Variants in RNF111 observed in about 807,000 individuals in gnomAD.
RNF111 encodes ring finger protein 111.
RNF111 carries 17 observed loss-of-function variants against 95.1 expected under a neutral mutation model. The ratio of observed to expected loss-of-function variants is 0.18; its 90% CI spans 0.12 to 0.27. The LOEUF (loss-of-function observed/expected upper bound fraction) is 0.27, where lower values mean the gene tolerates loss of function less well. RNF111 is among the 10% of genes least tolerant of loss of function. RNF111 has a pLI of 1.00. For missense variants in RNF111, 1,189 were observed against 1,210.4 expected (o/e 0.98, Z 0.26); for synonymous variants, 440 against 414.8 (o/e 1.06, Z -0.74).
At chr15:58,999,443 C>A (rs1440828881) in intron 1 of RNF111, among the ~76,000 whole-genome samples, 2 of 152,136 alleles carry the variant, frequency 1.3e-5, no homozygotes, top group Non-Finnish European at 2.9e-5. Context: ...TCAAGCAATT[C>A]TGCTGCCTCA....
chr15:59,031,453 C>G lies in RNF111; in HGVS notation c.631C>G (p.Pro211Ala). The change falls in exon 2 of 14, where the codon CCA becomes GCA. Residue 211 changes from proline (P) to alanine (A), a missense_variant. By Grantham distance (27) the Pro-to-Ala change is conservative. This residue lies in a region of RNF111 where 1,024 missense variants were observed against 925.9 expected (regional missense o/e 1.11). Transcript: ENST00000348370. ...ACATGGCAGTTCGTTACGGAGACTT[C>G]CATGCAGAAAGAGATTTGTAAAAAA... The part of the protein sequence containing the change: ...CLHGSSLRRL[P>A]CRKRFVKNNS... 6.2e-7 allele frequency: 1 copy of G among 1,614,068 alleles called. No individual in the cohort carries two copies. Among genetic ancestry groups the G allele is most frequent in the Non-Finnish European group, 8.5e-7 (1 of 1,180,030 alleles).
chr15:58,990,160 C>T (rs1241746525), intron 1 of RNF111, among the ~76,000 whole-genome samples: 1 of 152,112 alleles, frequency 6.6e-6, no homozygotes, highest in Non-Finnish European at 1.5e-5. Flanking sequence ...TTATTGTTAA[C>T]CCTCCTTGGG....
intron 5 of RNF111, among the ~76,000 whole-genome samples, chr15:59,063,039 G>A (rs1274500153): frequency 5.3e-5 from 8 of 152,164 alleles, no homozygotes; most frequent in African/African-American, 1.7e-4. Context: ...CAGTGTTTCT[G>A]TTCTAATACT....
At chr15:59,030,155 T>G (rs1445060924) in intron 1 of RNF111, among the ~76,000 whole-genome samples, 5 of 152,176 alleles carry the variant, frequency 3.3e-5, no homozygotes, top group African/African-American at 1.2e-4. Flanking sequence ...TTTAACTGAA[T>G]GATCTTCAGC....
chr15:58,995,330 A>G lies in RNF111; in HGVS notation c.-20+7262A>G, dbSNP rs568016300. ...ACATTCTTTTATCTGATTAATACAG[A>G]ATTGTGTGTTTCCTGTTTTATTCAG... On this transcript the variant is annotated intron_variant, in intron 1 of 13. Coordinates refer to ENST00000348370, the MANE Select transcript of RNF111 (RefSeq NM_017610.8). Among the ~76,000 whole-genome samples, 131 of 152,268 alleles carry G rather than the reference A, an allele frequency of 8.6e-4. 1 individual carries two copies. The highest frequency in any genetic ancestry group is 3.4e-3 in the Middle Eastern group (1 of 294).
chr15:58,995,707 A>T (rs1376661350), intron 1 of RNF111, among the ~76,000 whole-genome samples: 3 of 139,762 alleles, frequency 2.1e-5, no homozygotes, highest in African/African-American at 8.2e-5. Context: ...CTCGTGATCC[A>T]CCTGCCTCAG....
chr15:59,009,258 C>T (rs1404978541), intron 1 of RNF111, among the ~76,000 whole-genome samples: 1 of 152,036 alleles, frequency 6.6e-6, no homozygotes, highest in Non-Finnish European at 1.5e-5. Context: ...TGCGCCTGGC[C>T]ACGTATTTTA....
At chr15:59,017,122 C>A (rs143995225) in intron 1 of RNF111, among the ~76,000 whole-genome samples, 38 of 152,096 alleles carry the variant, frequency 2.5e-4, no homozygotes, top group African/African-American at 8.9e-4. Context: ...TAAATGTACT[C>A]GGATCATCTC....
In RNF111 at chr15:59,094,997, A is replaced by G. The variant is rs1163887449; in HGVS notation, c.*97A>G. 4 of 788,158 alleles carry G rather than the reference A, an allele frequency of 5.1e-6. No homozygotes were observed. The African/African-American group carries it at 6.9e-5, about 14-fold the overall frequency. The allele number at this position is 788,158 out of a possible 1,614,324, so 48.8% of individuals were successfully genotyped here. On this transcript the variant is annotated 3_prime_UTR_variant, in exon 14 of 14. Transcript: ENST00000348370. Reference sequence around the variant, plus strand: ...CATGACTTACCTGCGCAGATTTGGAAGCATTGAACTTAGAGTGCTGGCTCT... The same window carrying G: ...CATGACTTACCTGCGCAGATTTGGAGGCATTGAACTTAGAGTGCTGGCTCT...
At chr15:59,003,011 C>T (rs1425552295) in intron 1 of RNF111, among the ~76,000 whole-genome samples, 1 of 152,174 alleles carries the variant, frequency 6.6e-6, no homozygotes, top group East Asian at 1.9e-4. Flanking sequence ...GATAAGATCT[C>T]ATTATGTTGC....
intron 5 of RNF111, among the ~76,000 whole-genome samples, chr15:59,064,705 A>G (rs1342263587): frequency 6.6e-6 from 1 of 152,018 alleles, no homozygotes; most frequent in East Asian, 1.9e-4. Context: ...AACCTTTACA[A>G]AAGGGTTTGG....
At chr15:59,088,935 A>T (rs189841802) in intron 10 of RNF111, among the ~76,000 whole-genome samples, 1 of 152,262 alleles carries the variant, frequency 6.6e-6, no homozygotes, top group Non-Finnish European at 1.5e-5. Flanking sequence ...ATTTTAAACA[A>T]CACAATCACC....
At chr15:59,002,239 C>T (rs1372445728) in intron 1 of RNF111, among the ~76,000 whole-genome samples, 11 of 152,134 alleles carry the variant, frequency 7.2e-5, no homozygotes, top group African/African-American at 2.7e-4. Flanking sequence ...ACTATCTTCC[C>T]GCCATTTCTC....
chr15:59,063,063 C>T (rs1468687176), intron 5 of RNF111, among the ~76,000 whole-genome samples: 1 of 152,142 alleles, frequency 6.6e-6, no homozygotes, highest in Non-Finnish European at 1.5e-5. Context: ...TGATTTGTAT[C>T]CTAAATTGTC....
intron 13 of RNF111, among the ~76,000 whole-genome samples, chr15:59,093,907 T>A (rs573688288): frequency 6.6e-6 from 1 of 152,306 alleles, no homozygotes; most frequent in South Asian, 2.1e-4. Flanking sequence ...GACAATACTG[T>A]TCAAGGAATA....
intron 10 of RNF111, 141 bp downstream of exon 10, chr15:59,085,926 A>C: frequency 4.0e-6 from 3 of 756,088 alleles, no homozygotes; most frequent in Non-Finnish European, 6.1e-6. Context: ...TGTGCTATAA[A>C]AAGGTATTAG....
intron 8 of RNF111, among the ~76,000 whole-genome samples, chr15:59,081,931 G>GA (rs1435114948): frequency 6.6e-6 from 1 of 152,140 alleles, no homozygotes; most frequent in Non-Finnish European, 1.5e-5. Context: ...AGGCTGAGAT[G>GA]AAAGGATCGT....
chr15:58,990,067 A>G (rs958997060), intron 1 of RNF111, among the ~76,000 whole-genome samples: 1 of 152,206 alleles, frequency 6.6e-6, no homozygotes, highest in African/African-American at 2.4e-5. Flanking sequence ...GGGTAACGTT[A>G]TCTTATGAAA....
chr15:59,012,142 C>T (rs986955480), intron 1 of RNF111, among the ~76,000 whole-genome samples: 1 of 149,290 alleles, frequency 6.7e-6, no homozygotes. Flanking sequence ...CCTCAGCCTT[C>T]TGAGTAGCTG....
Sources: gnomAD v4.1 joint callset for allele counts (sites outside exome capture counted in the v4.1 genomes callset) on GRCh38, gnomAD v4.1.1 for gene constraint, gnomAD v4.1.1 regional missense constraint, MANE v1.5 for transcripts, NCBI Gene and HGNC (gene_info 2026-07-23, HGNC 2026-07-21) for gene names.